CADPS: variants seen among roughly 807,000 people sequenced by gnomAD.
The protein encoded by CADPS is calcium dependent secretion activator.
In CADPS, 57 loss-of-function variants were observed where a neutral mutation model predicts 167.3. The observed-to-expected ratio is 0.34, with a 90% CI of 0.28 to 0.42. The LOEUF is 0.42. Among genes scored for constraint, CADPS ranks in the 20% least tolerant of loss-of-function variants. CADPS has a pLI of 1.00. For synonymous variants in CADPS, 676 were observed against 635.3 expected, an observed-to-expected ratio of 1.06 and a Z score of -0.96; for missense variants, 1,414 against 1,738.1, an observed-to-expected ratio of 0.81 and a Z score of 3.32.
At chr3:62,604,444 C>A (rs569788142) in intron 6 of CADPS, among the ~76,000 whole-genome samples, 1 of 152,140 alleles carries the variant, frequency 6.6e-6, no homozygotes. Context: ...ACTGGAAGTC[C>A]GGCTGAGCCT....
At chr3:62,643,949 GAAACTTGGTTGTA>G (rs1204627991) in intron 6 of CADPS, among the ~76,000 whole-genome samples, 1 of 152,174 alleles carries the variant, frequency 6.6e-6, no homozygotes, top group Non-Finnish European at 1.5e-5. Flanking sequence ...TTGTCAGTTT[GAAACTTGGTTGTA>G]AAAAAAGGGA....
chr3:62,792,549 A>G (rs1036660131), intron 1 of CADPS, among the ~76,000 whole-genome samples: 1 of 152,016 alleles, frequency 6.6e-6, no homozygotes, highest in African/African-American at 2.4e-5. Context: ...GGATCTTGGT[A>G]TATTTTCTGA....
rs17067157 is a variant in CADPS at position 62,764,930 on chromosome 3, A to C, written c.555+941T>G. Among the ~76,000 whole-genome samples, 83 of 152,370 alleles carry C rather than the reference A, an allele frequency of 5.4e-4. No homozygotes were observed. The East Asian group carries it at 0.016, about 29-fold the overall frequency. ...TTACCATTATTACTGTGAATTGTAT[A>C]TAGCAGCATATCATAAGCTTTCAGT... On this transcript the variant is annotated intron_variant, in intron 2 of 29. Coordinates refer to ENST00000383710, the MANE Select transcript of CADPS (RefSeq NM_003716.4).
At chr3:62,521,778 C>T (rs1308050217) in intron 13 of CADPS, among the ~76,000 whole-genome samples, 1 of 152,136 alleles carries the variant, frequency 6.6e-6, no homozygotes, top group Non-Finnish European at 1.5e-5. Context: ...GGAGGAGTGG[C>T]CTCAGCCACA....
chr3:62,576,910 T>C (rs566886563), intron 8 of CADPS, among the ~76,000 whole-genome samples: 3 of 149,336 alleles, frequency 2.0e-5, no homozygotes, highest in African/African-American at 4.9e-5. Flanking sequence ...CTCCAGGCCA[T>C]ATTTTGTATC....
At chr3:62,556,912 T>A (rs1488335194) in intron 10 of CADPS, among the ~76,000 whole-genome samples, 1 of 151,418 alleles carries the variant, frequency 6.6e-6, no homozygotes, top group Non-Finnish European at 1.5e-5. Context: ...TCTCTTGAAT[T>A]GTAGCTAGGG....
At chr3:62,654,728 A>G (rs894892809) in intron 4 of CADPS, among the ~76,000 whole-genome samples, 11 of 152,062 alleles carry the variant, frequency 7.2e-5, no homozygotes, top group African/African-American at 2.7e-4. Context: ...GCCTCCTCAT[A>G]CTGGGGCCAA....
intron 11 of CADPS, among the ~76,000 whole-genome samples, chr3:62,541,511 T>C (rs1229159470): frequency 2.0e-5 from 3 of 152,144 alleles, no homozygotes; most frequent in African/African-American, 7.2e-5. Flanking sequence ...TAGATGCAGG[T>C]TGATGAACAT....
At chr3:62,469,721 G>A (rs1023571148) in intron 24 of CADPS, 1 of 171,144 alleles carries the variant, frequency 5.8e-6, no homozygotes, top group Admixed American at 6.1e-5. Flanking sequence ...CGTTGGCCAA[G>A]GTGGTCCCGA....
intron 11 of CADPS, among the ~76,000 whole-genome samples, chr3:62,549,415 C>T (rs566724692): frequency 6.9e-6 from 1 of 144,528 alleles, no homozygotes; most frequent in Non-Finnish European, 1.5e-5. Context: ...GGTATTTTAG[C>T]TCGGAATGGG....
chr3:62,777,014 G>A (rs2090468731), intron 1 of CADPS, among the ~76,000 whole-genome samples: 1 of 152,170 alleles, frequency 6.6e-6, no homozygotes, highest in Non-Finnish European at 1.5e-5. Context: ...AGGGGCGGCT[G>A]TGTGAGTATG....
At position 62,569,108 on chromosome 3, in the gene CADPS, A is replaced by G. The variant is rs1172971185; in HGVS notation, c.1644+1764T>C. On this transcript the variant is annotated intron_variant, in intron 9 of 29. Coordinates refer to ENST00000383710, the MANE Select transcript of CADPS (RefSeq NM_003716.4). Reference sequence around the variant, plus strand: ...TAGCCATGGGTTATTTTAATTATTTATTTTTTTTGGAGACGGAGTTTTGCT... The same window carrying G: ...TAGCCATGGGTTATTTTAATTATTTGTTTTTTTTGGAGACGGAGTTTTGCT... Among the ~76,000 whole-genome samples the G allele has an allele frequency of 3.3e-5, 5 of 152,036 alleles. No individual in the cohort carries two copies. In the East Asian group the frequency reaches 7.7e-4, roughly 24 times the overall value.
intron 21 of CADPS, among the ~76,000 whole-genome samples, chr3:62,485,306 G>T (rs1007672664): frequency 2.0e-5 from 3 of 151,534 alleles, no homozygotes; most frequent in Admixed American, 6.6e-5. Context: ...GCTTGCCTTT[G>T]TTATAATCCA....
intron 1 of CADPS, among the ~76,000 whole-genome samples, chr3:62,814,857 G>A (rs534518324): frequency 2.0e-5 from 3 of 152,172 alleles, no homozygotes; most frequent in East Asian, 3.9e-4. Flanking sequence ...TTTTTATTAC[G>A]TTAAAGATCA....
intron 8 of CADPS, among the ~76,000 whole-genome samples, chr3:62,573,896 T>C (rs775864934): frequency 1.3e-5 from 2 of 152,260 alleles, no homozygotes; most frequent in Non-Finnish European, 2.9e-5. Flanking sequence ...TCTGAATTCC[T>C]TTCAGTTCCT....
At chr3:62,716,623 AC>A (rs113121874) in intron 3 of CADPS, among the ~76,000 whole-genome samples, 23,151 of 152,130 alleles carry the variant, frequency 0.15, 1,910 homozygotes, top group South Asian at 0.25. Flanking sequence ...TCAAAACCAA[AC>A]CTTTAAAAAA....
chr3:62,623,540 C>T (rs531239500), intron 6 of CADPS, among the ~76,000 whole-genome samples: 1 of 152,206 alleles, frequency 6.6e-6, no homozygotes, highest in East Asian at 1.9e-4. Context: ...TTATTTTTGG[C>T]ATATAAGAAG....
At position 62,544,213 on chromosome 3, in the gene CADPS, G is replaced by T. The variant is rs896874146; in HGVS notation, c.1966+5690C>A. Among the ~76,000 whole-genome samples, 6 of 151,892 alleles carry T rather than the reference G, an allele frequency of 4.0e-5. No individual in the cohort carries two copies. The highest frequency in any genetic ancestry group is 1.5e-4 in the African/African-American group (6 of 41,328). On this transcript the variant is annotated intron_variant, in intron 11 of 29. Coordinates refer to ENST00000383710, the MANE Select transcript of CADPS (RefSeq NM_003716.4). This position sits in a 1 kb window ranked among gnomAD's most constrained non-coding sequence, Gnocchi z 4.4. Reference sequence around the variant, plus strand: ...CTCCTTTCAAAATTAATCCTCTATTGGGTCTTACATTAGAGCACACCCTTA... The same window carrying T: ...CTCCTTTCAAAATTAATCCTCTATTTGGTCTTACATTAGAGCACACCCTTA...
In CADPS at chr3:62,606,954, T is replaced by C. The variant is rs553139742; in HGVS notation, c.1326-14206A>G. 1.3e-3 allele frequency among the ~76,000 whole-genome samples: 205 copies of C among 152,328 alleles called. 1 individual carries two copies. Among genetic ancestry groups the C allele is most frequent in the African/African-American group, 4.0e-3 (165 of 41,578 alleles). Reference sequence around the variant, plus strand: ...GAGCCTGGCATGGATCAGCCAACCTTCAACTGATTTTCAGATGACAAATGA... The same window carrying C: ...GAGCCTGGCATGGATCAGCCAACCTCCAACTGATTTTCAGATGACAAATGA... On this transcript the variant is annotated intron_variant, in intron 6 of 29. Transcript: ENST00000383710.
Sources: allele counts gnomAD v4.1 joint callset (sites outside exome capture counted in the v4.1 genomes callset), GRCh38; gene constraint gnomAD v4.1.1; non-coding constraint Gnocchi (gnomAD v3.1); transcripts MANE v1.5; gene names NCBI Gene and HGNC (gene_info 2026-07-23, HGNC 2026-07-21).